The following HEXB variants were observed in gnomAD, a reference collection of about 807,000 sequenced individuals.
HEXB encodes hexosaminidase subunit beta.
A neutral mutation model predicts 71.2 loss-of-function variants in HEXB; 51 were observed. The observed-to-expected ratio is 0.72, with a 90% CI of 0.57 to 0.90. The LOEUF is 0.90. HEXB is among the 40% of genes least tolerant of loss of function. The pLI is 0.00. For synonymous variants in HEXB, 266 were observed against 249.3 expected, an observed-to-expected ratio of 1.07 and a Z score of -0.63; for missense variants, 617 against 677.0, an observed-to-expected ratio of 0.91 and a Z score of 0.98.
chr5:74,666,019 T>C (rs1300927619), intron 1 of HEXB, among the ~76,000 whole-genome samples: 1 of 152,252 alleles, frequency 6.6e-6, no homozygotes, highest in Non-Finnish European at 1.5e-5. Context: ...AAATGCATTA[T>C]ACAGAGTTGT....
chr5:74,677,975 A>G (rs927666223), intron 1 of HEXB, among the ~76,000 whole-genome samples: 3 of 152,158 alleles, frequency 2.0e-5, no homozygotes, highest in Admixed American at 2.0e-4. Context: ...TCTTCAAGAT[A>G]TCAAAGCATA....
chr5:74,720,730 C>T lies in HEXB; in HGVS notation c.1596C>T (p.His532=), dbSNP rs1386777143. 6.2e-7 allele frequency: 1 copy of T among 1,613,492 alleles called. No homozygotes were observed. The highest frequency in any genetic ancestry group is 8.5e-7 in the Non-Finnish European group (1 of 1,179,424). Residue 532 remains histidine, a synonymous_variant, in exon 13 of 14, where the codon CAC becomes CAT. Coordinates refer to ENST00000261416, the MANE Select transcript of HEXB (RefSeq NM_000521.4). ...MDDAYDRLTR[H]RCRMVERGIA... ...ACGCCTATGACAGACTGACAAGGCA[C>T]CGCTGCAGGATGGTCGAGTAAGAAA...
intron 6 of HEXB, chr5:74,705,570 A>G (rs2112156908): frequency 6.3e-6 from 3 of 478,874 alleles, no homozygotes; most frequent in African/African-American, 1.9e-5. Context: ...GAAATTTAAC[A>G]AGGTAGAAGC....
At chr5:74,718,154 C>A in intron 9 of HEXB, 137 bp from the exon 10 acceptor site, 1 of 674,808 alleles carries the variant, frequency 1.5e-6, no homozygotes, top group African/African-American at 1.8e-5. Context: ...CCAACTTGAG[C>A]TGCTTCTGCT....
At chr5:74,679,798 C>CA (rs70976121) in intron 1 of HEXB, among the ~76,000 whole-genome samples, 1,256 of 38,880 alleles carry the variant, frequency 0.032, 290 homozygotes, top group African/African-American at 0.12. Context: ...GACTCCGTCT[C>CA]AAAAAAAAAA....
At chr5:74,679,436 T>A (rs1338797600) in intron 1 of HEXB, among the ~76,000 whole-genome samples, 1 of 151,924 alleles carries the variant, frequency 6.6e-6, no homozygotes, top group Non-Finnish European at 1.5e-5. Flanking sequence ...GAATTTGTTA[T>A]CTAACTAAGG....
In HEXB at chr5:74,703,754, C is replaced by T. The variant is rs141585154; in HGVS notation, c.670-1465C>T. On this transcript the variant is annotated intron_variant, in intron 5 of 13. Coordinates refer to ENST00000261416, the MANE Select transcript of HEXB (RefSeq NM_000521.4). ...GAGCTCAGCTTACTGCAGTCTCAACCTCCCAGGCTCAAGCAATCCTCCCAC... is the reference window on the plus strand; with the variant it reads ...GAGCTCAGCTTACTGCAGTCTCAACTTCCCAGGCTCAAGCAATCCTCCCAC... Among the ~76,000 whole-genome samples, 74 of 152,314 alleles carry T rather than the reference C, an allele frequency of 4.9e-4. No individual in the cohort carries two copies. The East Asian group carries it at 0.014, about 29-fold the overall frequency.
In HEXB at chr5:74,720,955, C is replaced by T. The variant is rs553256507; in HGVS notation, c.1614-163C>T. 439 of 780,170 alleles carry T rather than the reference C, an allele frequency of 5.6e-4. 6 individuals carry two copies. The South Asian group carries it at 6.1e-3, about 11-fold the overall frequency. The allele number at this position is 780,170 out of a possible 1,614,324, so 48.3% of individuals were successfully genotyped here. A position where few individuals can be genotyped will look rare whatever the true frequency, so the allele number is the denominator to read the frequency against. On this transcript the variant is annotated intron_variant, in intron 13 of 13. Coordinates refer to ENST00000261416, the MANE Select transcript of HEXB (RefSeq NM_000521.4). ...AAAAATGTTGGTGTAACTTAGAACT[C>T]CATCTTGAGTTGCTTTAATTTTCTT...
intron 10 of HEXB, 137 bp downstream of exon 10, chr5:74,718,500 C>G: frequency 1.3e-6 from 1 of 774,284 alleles, no homozygotes. Flanking sequence ...CTCATAGTTC[C>G]AAGCTAGGTT....
intron 10 of HEXB, 96 bp downstream of exon 10, chr5:74,718,459 C>A: frequency 1.1e-6 from 1 of 939,986 alleles, no homozygotes; most frequent in East Asian, 2.4e-5. Context: ...CTAGTATTAC[C>A]TTTCTAGTGT....
In HEXB at chr5:74,707,131, C is replaced by T. The variant is rs534067931; in HGVS notation, c.771+1811C>T. On this transcript the variant is annotated intron_variant, in intron 6 of 13. Coordinates refer to ENST00000261416, the MANE Select transcript of HEXB (RefSeq NM_000521.4). The stretch of plus-strand genomic sequence containing the variant: ...CGATCAGACAGCAGCATTCACGGTT[C>T]ACGAAAAACCACTGTTCTGCAGACA... Among the ~76,000 whole-genome samples, 38 of 152,262 alleles carry T rather than the reference C, an allele frequency of 2.5e-4. No individual in the cohort carries two copies. In the East Asian group the frequency reaches 6.6e-3, roughly 26 times the overall value.
rs373145730 is a variant in HEXB at position 74,693,852 on chromosome 5, A to G, written c.511+148A>G. The G allele has an allele frequency of 1.3e-3, 911 of 716,864 alleles. 21 individuals are homozygous for G. The highest frequency in any genetic ancestry group is 0.012 in the South Asian group (829 of 67,612). The allele number at this position is 716,864 out of a possible 1,614,324, so 44.4% of individuals were successfully genotyped here. On this transcript the variant is annotated intron_variant, in intron 3 of 13. Transcript: ENST00000261416. ...AGTTCCAAAATGATTTCCATTGAAC[A>G]TGTACTACATAAAGCATGGGAGAGG...
At chr5:74,689,019 G>C (rs768137672) in intron 1 of HEXB, among the ~76,000 whole-genome samples, 8 of 151,066 alleles carry the variant, frequency 5.3e-5, no homozygotes, top group Non-Finnish European at 8.8e-5. Context: ...AAGAGTGATG[G>C]ATTACCATGA....
intron 1 of HEXB, among the ~76,000 whole-genome samples, chr5:74,686,902 A>G (rs1179845855): frequency 1.3e-5 from 2 of 152,242 alleles, no homozygotes; most frequent in African/African-American, 4.8e-5. Context: ...AGCTTGTAGA[A>G]TTGGATTTTC....
Position 74,647,363 on chromosome 5 carries a change from T to C in HEXB, c.-377+6805T>C, listed in dbSNP as rs368878620. Among the ~76,000 whole-genome samples the C allele has an allele frequency of 7.2e-5, 11 of 152,338 alleles. No homozygotes were observed. In the East Asian group the frequency reaches 2.1e-3, roughly 29 times the overall value. ...GAAGGGACCTTTGTGGTCCAAGGGC[T>C]TGCACCTTTGAATGAATATTAAAAG... On this transcript the variant is annotated intron_variant, in intron 1 of 13. Transcript: ENST00000511181.
intron 1 of HEXB, among the ~76,000 whole-genome samples, chr5:74,659,105 CTT>C (rs1427081918): frequency 7.1e-6 from 1 of 141,794 alleles, no homozygotes; most frequent in Non-Finnish European, 1.5e-5. Context: ...GAAAAAGAGA[CTT>C]TTAAAACTGG....
Position 74,652,580 on chromosome 5 carries a change from T to G in HEXB, c.-377+12022T>G, listed in dbSNP as rs1057499362. On this transcript the variant is annotated intron_variant, in intron 1 of 13. Coordinates refer to the HEXB transcript ENST00000511181. The surrounding 1 kb of genome is among the most constrained non-coding windows in gnomAD (Gnocchi z 5.4). ...TAACTTAATTTTTCTAGAACAGAACTTTTTACCATAAGACCCTAATCTGCT... is the reference window on the plus strand; with the variant it reads ...TAACTTAATTTTTCTAGAACAGAACGTTTTACCATAAGACCCTAATCTGCT... Among the ~76,000 whole-genome samples, 1 of 152,174 alleles carries G rather than the reference T, an allele frequency of 6.6e-6. No homozygotes were observed. Among genetic ancestry groups the G allele is most frequent in the African/African-American group, 2.4e-5 (1 of 41,426 alleles).
chr5:74,720,857 C>A, intron 13 of HEXB, 110 bp downstream of exon 13: 1 of 924,630 alleles, frequency 1.1e-6, no homozygotes, highest in Non-Finnish European at 1.7e-6. Context: ...TTAGAAGAAA[C>A]CAGGAATTAT....
At chr5:74,685,049 G>T, upstream of HEXB, 2 of 539,740 alleles carry the variant, frequency 3.7e-6, no homozygotes, top group Non-Finnish European at 6.4e-6. Flanking sequence ...CCTACCCGAG[G>T]GCACCCCTGG....
Sources: allele counts gnomAD v4.1 joint callset (sites outside exome capture counted in the v4.1 genomes callset), GRCh38; gene constraint gnomAD v4.1.1; non-coding constraint Gnocchi (gnomAD v3.1); transcripts MANE v1.5; gene names NCBI Gene and HGNC (gene_info 2026-07-23, HGNC 2026-07-21).